Variants in SLC39A11 observed in about 807,000 individuals in gnomAD.
The protein encoded by SLC39A11 is zinc transporter ZIP11.
SLC39A11 carries 33 observed loss-of-function variants against 36.1 expected under a neutral mutation model. The observed-to-expected ratio is 0.91, with a 90% CI of 0.69 to 1.22. The LOEUF is 1.22. Ranked by LOEUF, SLC39A11 falls within the 50% of genes most tolerant of loss-of-function variation. The pLI, the probability that SLC39A11 is intolerant of heterozygous loss-of-function variation, is 0.00. For synonymous variants in SLC39A11, 166 were observed against 170.3 expected (o/e 0.97, Z 0.20); for missense variants, 432 against 430.3 (o/e 1.00, Z -0.03).
chr17:72,660,909 G>T (rs924973245), intron 7 of SLC39A11, among the ~76,000 whole-genome samples: 2 of 152,180 alleles, frequency 1.3e-5, no homozygotes, highest in Non-Finnish European at 2.9e-5. Flanking sequence ...CTCCGGGGAG[G>T]GGGAGGGGAC....
rs780329919 is a variant in SLC39A11 at position 72,665,389 on chromosome 17, GTTTTTTTTTT to G, written c.672-16131_672-16122del. On this transcript the variant is annotated intron_variant, in intron 7 of 9. Coordinates refer to ENST00000255559, the MANE Select transcript of SLC39A11 (RefSeq NM_139177.4). ...GGTTTAAGCCACCAAGTTTTGAGGT[GTTTTTTTTTT>G]TTTTTTTTTTTGAGACAGGGTCTTG... 2.3e-4 allele frequency among the ~76,000 whole-genome samples: 18 copies of G among 76,636 alleles called. No homozygotes were observed. The Admixed American group carries it at 3.2e-3, about 14-fold the overall frequency. 50.3% of individuals were successfully genotyped at this position (76,636 alleles called of 152,430 possible).
intron 6 of SLC39A11, among the ~76,000 whole-genome samples, chr17:72,846,597 A>G (rs909846526): frequency 6.6e-6 from 1 of 152,248 alleles, no homozygotes; most frequent in Non-Finnish European, 1.5e-5. Flanking sequence ...GGGATGAGCC[A>G]GGAAATAATT....
intron 5 of SLC39A11, among the ~76,000 whole-genome samples, chr17:72,901,339 G>T (rs911579489): frequency 2.0e-5 from 3 of 152,240 alleles, no homozygotes; most frequent in Non-Finnish European, 4.4e-5. Flanking sequence ...GTGTGGCTCA[G>T]TGTTAAATCC....
intron 6 of SLC39A11, among the ~76,000 whole-genome samples, chr17:72,747,290 A>C (rs1274889101): frequency 1.3e-5 from 2 of 152,194 alleles, no homozygotes; most frequent in Non-Finnish European, 2.9e-5. Context: ...AGCTGGGACT[A>C]CAAGTGCACA....
At chr17:73,078,706 A>G (rs2060414686) in intron 3 of SLC39A11, among the ~76,000 whole-genome samples, 1 of 151,942 alleles carries the variant, frequency 6.6e-6, no homozygotes, top group Non-Finnish European at 1.5e-5. Context: ...CATGTTGGCC[A>G]GGCTGGTGTT....
intron 4 of SLC39A11, among the ~76,000 whole-genome samples, chr17:73,014,921 C>A (rs1336707400): frequency 6.6e-6 from 1 of 152,160 alleles, no homozygotes; most frequent in African/African-American, 2.4e-5. Context: ...GCCTCCATCC[C>A]GCCCCTGAGC....
intron 6 of SLC39A11, among the ~76,000 whole-genome samples, chr17:72,761,843 C>T (rs2075589699): frequency 6.6e-6 from 1 of 152,084 alleles, no homozygotes; most frequent in South Asian, 2.1e-4. Context: ...CATCAAAGAG[C>T]AAAGAGAAAG....
chr17:72,843,893 C>T (rs1259473134), intron 6 of SLC39A11, among the ~76,000 whole-genome samples: 1 of 152,146 alleles, frequency 6.6e-6, no homozygotes, highest in East Asian at 1.9e-4. Flanking sequence ...GGTGTGGCCT[C>T]ACACTCTGGA....
chr17:72,739,819 C>T (rs2074596095), intron 6 of SLC39A11, among the ~76,000 whole-genome samples: 1 of 152,106 alleles, frequency 6.6e-6, no homozygotes, highest in Non-Finnish European at 1.5e-5. Flanking sequence ...GACCCTTGAA[C>T]AATGCAGGGA....
At chr17:72,874,648 G>A (rs918153587) in intron 5 of SLC39A11, among the ~76,000 whole-genome samples, 3 of 152,124 alleles carry the variant, frequency 2.0e-5, no homozygotes, top group East Asian at 1.9e-4. Flanking sequence ...TCAAAACCTT[G>A]CTTCCAAAGA....
At chr17:72,933,757 C>T (rs2084571040) in intron 5 of SLC39A11, among the ~76,000 whole-genome samples, 1 of 152,112 alleles carries the variant, frequency 6.6e-6, no homozygotes, top group Non-Finnish European at 1.5e-5. Context: ...TGACCTCAAA[C>T]GATCCACCCG....
chr17:72,997,761 C>G (rs1386748317), intron 4 of SLC39A11, among the ~76,000 whole-genome samples: 1 of 152,228 alleles, frequency 6.6e-6, no homozygotes, highest in Admixed American at 6.5e-5. Context: ...CCCGCATTGT[C>G]TACGCTAGCC....
intron 3 of SLC39A11, among the ~76,000 whole-genome samples, chr17:73,060,950 T>C (rs1245733223): frequency 6.6e-6 from 1 of 152,226 alleles, no homozygotes. Flanking sequence ...GTTTGCTCGG[T>C]ACTTTCCTAA....
rs2089012693 is a variant in SLC39A11 at position 72,989,492 on chromosome 17, A to G, written c.307-41617T>C. On this transcript the variant is annotated intron_variant, in intron 4 of 9. Transcript: ENST00000255559. Reference sequence around the variant, plus strand: ...TTTATACTATCCCAGGATATGTCTTAAAGACATAGATTACCTTTAAATGAT... The same window carrying G: ...TTTATACTATCCCAGGATATGTCTTGAAGACATAGATTACCTTTAAATGAT... 1.3e-5 allele frequency among the ~76,000 whole-genome samples: 2 copies of G among 152,248 alleles called. 1 individual carries two copies. Among genetic ancestry groups the G allele is most frequent in the East Asian group, 3.8e-4 (2 of 5,200 alleles).
chr17:72,763,261 A>G (rs2075651613), intron 6 of SLC39A11, among the ~76,000 whole-genome samples: 1 of 152,254 alleles, frequency 6.6e-6, no homozygotes, highest in Admixed American at 6.5e-5. Context: ...AGTAACATTT[A>G]AAAGAGTTCC....
chr17:72,928,673 T>A (rs7502228), intron 5 of SLC39A11, among the ~76,000 whole-genome samples: 2 of 152,088 alleles, frequency 1.3e-5, no homozygotes, highest in East Asian at 1.9e-4. Flanking sequence ...GCTTTGAGTC[T>A]ACGTCAATAG....
chr17:72,682,436 T>C (rs2071549203), intron 7 of SLC39A11, among the ~76,000 whole-genome samples: 1 of 152,098 alleles, frequency 6.6e-6, no homozygotes, highest in South Asian at 2.1e-4. Flanking sequence ...AGGCTTCTGG[T>C]CAACGGTAGG....
At chr17:72,802,930 G>A (rs935110362) in intron 6 of SLC39A11, among the ~76,000 whole-genome samples, 3 of 152,328 alleles carry the variant, frequency 2.0e-5, no homozygotes, top group East Asian at 1.9e-4. Context: ...CGTCCATGGA[G>A]TCCCTCTGCC....
intron 7 of SLC39A11, among the ~76,000 whole-genome samples, chr17:72,732,044 T>C (rs1288140118): frequency 1.2e-5 from 1 of 84,414 alleles, no homozygotes; most frequent in African/African-American, 4.3e-5. Context: ...TCTTTTCTTT[T>C]TTTTTTTTTT....
Sources: gnomAD v4.1 joint callset for allele counts (sites outside exome capture counted in the v4.1 genomes callset) on GRCh38, gnomAD v4.1.1 for gene constraint, MANE v1.5 for transcripts, NCBI Gene and HGNC (gene_info 2026-07-23, HGNC 2026-07-21) for gene names.